Variants in LRRC4C observed in about 807,000 individuals in gnomAD.
The protein encoded by LRRC4C is leucine-rich repeat-containing protein 4C.
LRRC4C carries 5 observed loss-of-function variants against 33.6 expected under a neutral mutation model. The observed-to-expected ratio is 0.15, with a 90% CI of 0.08 to 0.31. LRRC4C has a LOEUF of 0.31. Ranked by LOEUF, LRRC4C falls within the 10% of genes least tolerant of loss-of-function variation. The pLI, the probability that LRRC4C is intolerant of heterozygous loss-of-function variation, is 1.00. For synonymous variants in LRRC4C, 329 were observed against 302.0 expected (o/e 1.09, Z -0.93); for missense variants, 560 against 796.7 (o/e 0.70, Z 3.58).
At chr11:40,608,386 C>CA (rs1349247108) in intron 3 of LRRC4C, among the ~76,000 whole-genome samples, 1 of 149,938 alleles carries the variant, frequency 6.7e-6, no homozygotes, top group African/African-American at 2.5e-5. Flanking sequence ...ATAGAAGACA[C>CA]AAAAAAGAAA....
intron 3 of LRRC4C, among the ~76,000 whole-genome samples, chr11:40,382,123 A>ATTTTTCTTT (rs1948898602): frequency 1.0e-5 from 1 of 99,986 alleles, no homozygotes; most frequent in African/African-American, 3.8e-5. Flanking sequence ...TGCCCGGCTA[A>ATTTTTCTTT]TTTTTTTTTT....
intron 2 of LRRC4C, among the ~76,000 whole-genome samples, chr11:40,671,646 A>AGTGTGTGTGTGTGTGTGTGT (rs145275244): frequency 3.6e-4 from 50 of 140,564 alleles, no homozygotes; most frequent in South Asian, 1.4e-3. Flanking sequence ...GTCCTTATTC[A>AGTGTGTGTGTGTGTGTGTGT]GTGTGTGTGT....
At chr11:40,126,710 C>A (rs1246036575) in intron 6 of LRRC4C, among the ~76,000 whole-genome samples, 1 of 152,080 alleles carries the variant, frequency 6.6e-6, no homozygotes, top group African/African-American at 2.4e-5. Flanking sequence ...TCTGTAATCC[C>A]AGCACTTTGG....
At chr11:40,343,342 CAT>C (rs35866050) in intron 3 of LRRC4C, among the ~76,000 whole-genome samples, 2,912 of 150,580 alleles carry the variant, frequency 0.019, 82 homozygotes, top group African/African-American at 0.066. Flanking sequence ...CTAAAACTTA[CAT>C]ATATATATAT....
chr11:40,227,801 C>A (rs1864917458), intron 5 of LRRC4C, among the ~76,000 whole-genome samples: 1 of 151,984 alleles, frequency 6.6e-6, no homozygotes, highest in Admixed American at 6.5e-5. Context: ...ATGAAGGAAC[C>A]TGATTTTCTT....
At chr11:40,511,144 G>A (rs1955295811) in intron 3 of LRRC4C, among the ~76,000 whole-genome samples, 2 of 152,066 alleles carry the variant, frequency 1.3e-5, no homozygotes, top group African/African-American at 2.4e-5. Context: ...ACCTCAAATG[G>A]GAGAAGTACA....
intron 5 of LRRC4C, among the ~76,000 whole-genome samples, chr11:40,227,277 T>C (rs1864872085): frequency 6.6e-6 from 1 of 152,248 alleles, no homozygotes; most frequent in African/African-American, 2.4e-5. Context: ...CAGTGGATTA[T>C]GAGCATCAGG....
chr11:41,136,288 A>G (rs887339151), intron 1 of LRRC4C, among the ~76,000 whole-genome samples: 39 of 152,090 alleles, frequency 2.6e-4, no homozygotes, highest in African/African-American at 9.4e-4. Flanking sequence ...GTATGGGTAT[A>G]AAGGTGTTAT....
chr11:40,987,449 T>C (rs926403265), intron 1 of LRRC4C, among the ~76,000 whole-genome samples: 2 of 151,932 alleles, frequency 1.3e-5, no homozygotes, highest in African/African-American at 4.8e-5. Context: ...GAATTCTTGC[T>C]CTGCCTGTTT....
intron 1 of LRRC4C, among the ~76,000 whole-genome samples, chr11:40,968,025 T>C (rs1367476404): frequency 1.3e-5 from 2 of 152,018 alleles, no homozygotes; most frequent in Non-Finnish European, 1.5e-5. Context: ...GCTAGGCCTC[T>C]TGTGCAAAAC....
intron 4 of LRRC4C, among the ~76,000 whole-genome samples, chr11:40,284,411 A>G (rs1259123914): frequency 6.6e-6 from 1 of 152,226 alleles, no homozygotes; most frequent in Non-Finnish European, 1.5e-5. Context: ...TGGATGATAT[A>G]TCTAGAGGAA....
At chr11:40,276,566 C>A (rs1243284997) in intron 4 of LRRC4C, among the ~76,000 whole-genome samples, 3 of 152,008 alleles carry the variant, frequency 2.0e-5, no homozygotes, top group Non-Finnish European at 2.9e-5. Context: ...ATTTCTTTCT[C>A]CTTGTACCTT....
At chr11:41,270,691 C>G (rs1412904843) in intron 1 of LRRC4C, among the ~76,000 whole-genome samples, 1 of 152,096 alleles carries the variant, frequency 6.6e-6, no homozygotes, top group African/African-American at 2.4e-5. Context: ...TGGCCATTAG[C>G]CAGGCATTTT....
chr11:41,248,922 C>T (rs1330896644), intron 1 of LRRC4C, among the ~76,000 whole-genome samples: 2 of 152,140 alleles, frequency 1.3e-5, no homozygotes, highest in African/African-American at 2.4e-5. Flanking sequence ...TCTTCTTTCT[C>T]ATATCTCACT....
intron 1 of LRRC4C, among the ~76,000 whole-genome samples, chr11:41,112,319 C>A (rs563477307): frequency 6.6e-6 from 1 of 152,006 alleles, no homozygotes; most frequent in African/African-American, 2.4e-5. Context: ...GCAGACACTT[C>A]GGCAGAAATT....
chr11:40,608,583 A>T (rs112262768), intron 3 of LRRC4C, among the ~76,000 whole-genome samples: 1,972 of 152,250 alleles, frequency 0.013, 16 homozygotes, highest in Middle Eastern at 0.031. Flanking sequence ...TTCCAATCAA[A>T]CAACATAGAG....
chr11:40,135,287 T>C (rs894073555), intron 6 of LRRC4C, among the ~76,000 whole-genome samples: 2 of 152,212 alleles, frequency 1.3e-5, no homozygotes, highest in African/African-American at 4.8e-5. Flanking sequence ...CTCATTTTGC[T>C]CCATGCTGTG....
chr11:41,137,978 C>T (rs928575564), intron 1 of LRRC4C, among the ~76,000 whole-genome samples: 12 of 152,090 alleles, frequency 7.9e-5, no homozygotes, highest in African/African-American at 2.9e-4. Flanking sequence ...ATGGGCATGC[C>T]AACTGGGAGA....
At chr11:40,469,218 A>C (rs1172175867) in intron 3 of LRRC4C, among the ~76,000 whole-genome samples, 1 of 152,162 alleles carries the variant, frequency 6.6e-6, no homozygotes, top group Non-Finnish European at 1.5e-5. Flanking sequence ...CAGTGGGTGC[A>C]GCCCACGGAG....
Sources: gnomAD v4.1 joint callset for allele counts (sites outside exome capture counted in the v4.1 genomes callset) on GRCh38, gnomAD v4.1.1 for gene constraint, MANE v1.5 for transcripts, NCBI Gene and HGNC (gene_info 2026-07-23, HGNC 2026-07-21) for gene names.